Variants in PRRT4 observed in about 807,000 individuals in gnomAD.
The protein encoded by PRRT4 is proline-rich transmembrane protein 4.
A neutral mutation model predicts 55.6 loss-of-function variants in PRRT4; 59 were observed. The observed-to-expected ratio is 1.06, with a 90% CI of 0.86 to 1.32. The LOEUF is 1.32. PRRT4 is among the 40% of genes most tolerant of loss of function. The pLI, the probability that PRRT4 is intolerant of heterozygous loss-of-function variation, is 0.00. For missense variants in PRRT4, 1,217 were observed against 1,222.0 expected, an observed-to-expected ratio of 1.00 and a Z score of 0.06; for synonymous variants, 606 against 601.8, an observed-to-expected ratio of 1.01 and a Z score of -0.10.
At chr7:128,359,475 G>T in exon 2 of PRRT4, 14 of 1,462,980 alleles carry the variant, frequency 9.6e-6, no homozygotes, top group Non-Finnish European at 1.3e-5. Flanking sequence ...AGCTCGCTCT[G>T]GTGGGGCCTG....
chr7:128,354,504 C>T (rs1190696826), intron 4 of PRRT4, among the ~76,000 whole-genome samples: 2 of 151,972 alleles, frequency 1.3e-5, no homozygotes, highest in African/African-American at 4.8e-5. Context: ...GCGGAGGTTG[C>T]AGTAAGCAGA....
exon 5 of PRRT4, chr7:128,351,699 G>C: frequency 6.7e-7 from 1 of 1,498,840 alleles, no homozygotes; most frequent in African/African-American, 1.5e-5. Context: ...CCGGGTAGAG[G>C]CCCAGCAGCG....
chr7:128,351,308 G>A lies in PRRT4; in HGVS notation c.2248C>T (p.Pro750Ser), dbSNP rs1412448167. The A allele has an allele frequency of 5.2e-6, 8 of 1,544,492 alleles. No homozygotes were observed. The highest frequency in any genetic ancestry group is 6.1e-6 in the Non-Finnish European group (7 of 1,146,736). Residue 750 changes from proline (P) to serine (S), a missense_variant, in exon 5 of 5, where the codon CCT (proline) becomes TCT (serine). Coordinates refer to ENST00000535159, the Ensembl canonical transcript of PRRT4. ...CCAGGCAGAGCGTCCTCGAAGGCAGGGCCCTGGAAGAGGCCAGGCGCAAGC... is the reference window on the plus strand; with the variant it reads ...CCAGGCAGAGCGTCCTCGAAGGCAGAGCCCTGGAAGAGGCCAGGCGCAAGC...
Position 128,352,525 on chromosome 7 carries a change from AAG to A in PRRT4, c.1029_1030del (p.Phe345ProfsTer233). 2 of 1,543,690 alleles carry A rather than the reference AAG, an allele frequency of 1.3e-6. No individual in the cohort carries two copies. Among genetic ancestry groups the A allele is most frequent in the Non-Finnish European group, 1.7e-6 (2 of 1,146,858 alleles). Reference sequence around the variant, plus strand: ...CCAGTCGGCCTCCAGGGTCAGGAAAAAGAGGGGCCTCGGCGCCTCGGGAGGCT... The same window carrying A: ...CCAGTCGGCCTCCAGGGTCAGGAAAAAGGGGCCTCGGCGCCTCGGGAGGCT... On this transcript the variant is annotated frameshift_variant, in exon 5 of 5. Transcript: ENST00000535159. LOFTEE classifies it high-confidence loss of function.
intron 4 of PRRT4, among the ~76,000 whole-genome samples, chr7:128,356,024 G>A (rs1390595951): frequency 6.6e-6 from 1 of 152,156 alleles, no homozygotes; most frequent in African/African-American, 2.4e-5. Context: ...ACTTTGGGAG[G>A]CCGAGGTGGG....
Position 128,360,064 on chromosome 7 carries a change from CTG to C in PRRT4, c.-72-3_-72-2del. The C allele has an allele frequency of 8.1e-7, 1 of 1,227,002 alleles. No individual in the cohort carries two copies. The highest frequency in any genetic ancestry group is 1.0e-6 in the Non-Finnish European group (1 of 962,430). The allele number at this position is 1,227,002 out of a possible 1,614,324, so 76.0% of individuals were successfully genotyped here. On this transcript the variant is annotated splice_acceptor_variant and splice_polypyrimidine_tract_variant and intron_variant, in intron 1 of 4. Coordinates refer to ENST00000535159, the Ensembl canonical transcript of PRRT4. LOFTEE classifies it low-confidence loss of function (5UTR_SPLICE). ...TCAGCAGCTTTTGAGGAGGAAGGTC[CTG>C]GAGAGAGGAGAGGCCCTGTGAGCCC...
chr7:128,354,241 G>A (rs1443399979), intron 4 of PRRT4, among the ~76,000 whole-genome samples: 1 of 152,170 alleles, frequency 6.6e-6, no homozygotes, highest in Non-Finnish European at 1.5e-5. Flanking sequence ...CCACAGGCAG[G>A]GTCAGCTCAT....
At chr7:128,352,522 A>G (rs1397118811) in exon 5 of PRRT4, 1 of 1,543,606 alleles carries the variant, frequency 6.5e-7, no homozygotes, top group African/African-American at 1.4e-5. Context: ...CAGGGTCAGG[A>G]AAAAGAGGGG....
rs1376542455 is a variant in PRRT4, at chr7:128,359,339, C to A, written c.652+1G>T. ...TTCCTTGGGATGGGGTGGTTACTCA[C>A]CAAAGGGTCCCAGGCGCCCAGCAAT... On this transcript the variant is annotated splice_donor_variant, in intron 2 of 4. Coordinates refer to ENST00000535159, the Ensembl canonical transcript of PRRT4. LOFTEE classifies it high-confidence loss of function. The A allele has an allele frequency of 2.0e-6, 3 of 1,485,504 alleles. No homozygotes were observed. The highest frequency in any genetic ancestry group is 2.7e-6 in the Non-Finnish European group (3 of 1,119,526). The allele number at this position is 1,485,504 out of a possible 1,614,324, so 92.0% of individuals were successfully genotyped here.
At chr7:128,359,010 G>T in intron 3 of PRRT4, 139 bp downstream of exon 4, 1 of 1,191,770 alleles carries the variant, frequency 8.4e-7, no homozygotes, top group Non-Finnish European at 1.2e-6. Context: ...CTCCTTCCGT[G>T]GAAGTAGTAG....
At chr7:128,352,595 G>A in exon 5 of PRRT4, 1 of 1,543,850 alleles carries the variant, frequency 6.5e-7, no homozygotes, top group Non-Finnish European at 8.7e-7. Context: ...CAGGACCCTG[G>A]CCCACACTCT....
exon 5 of PRRT4, chr7:128,351,607 G>A: frequency 6.6e-7 from 1 of 1,507,042 alleles, no homozygotes. Context: ...CCAGCCTCCC[G>A]GCAGCAGCGG....
In PRRT4 at chr7:128,358,878, C is replaced by T. The variant is rs901127655; in HGVS notation, c.758-78G>A. Reference sequence around the variant, plus strand: ...TCTGGGAGTTTGGAGAAAATTATGTCCTTCCCCAGAGTTTGTCCTAAGGAA... The same window carrying T: ...TCTGGGAGTTTGGAGAAAATTATGTTCTTCCCCAGAGTTTGTCCTAAGGAA... On this transcript the variant is annotated intron_variant, in intron 3 of 4. Transcript: ENST00000535159. This position sits in a 1 kb window ranked among gnomAD's most constrained non-coding sequence, Gnocchi z 4.4. The T allele has an allele frequency of 6.8e-7, 1 of 1,469,514 alleles. No individual in the cohort carries two copies. The allele number at this position is 1,469,514 out of a possible 1,614,324, so 91.0% of individuals were successfully genotyped here.
chr7:128,351,647 G>A, exon 5 of PRRT4: 3 of 1,515,156 alleles, frequency 2.0e-6, no homozygotes, highest in Non-Finnish European at 2.6e-6. Context: ...AAGCGGAAGA[G>A]CTTGGCCCAG....
In PRRT4 at chr7:128,352,577, C is replaced by T. The variant is rs374134322; in HGVS notation, c.979G>A (p.Gly327Arg). The change falls in exon 5 of 5, where the codon GGA (glycine) becomes AGA (arginine). Residue 327 changes from glycine (G) to arginine (R), a missense_variant. Gly to Arg is a moderately radical substitution (Grantham distance 125). Coordinates refer to ENST00000535159, the Ensembl canonical transcript of PRRT4. Reference sequence around the variant, plus strand: ...TGCCCCTCGCGTTCAGGCAATTCTCCCACGCTGCAGGACCCTGGCCCACAC... The same window carrying T: ...TGCCCCTCGCGTTCAGGCAATTCTCTCACGCTGCAGGACCCTGGCCCACAC... 150 of 1,544,538 alleles carry T rather than the reference C, an allele frequency of 9.7e-5. No homozygotes were observed. In the African/African-American group the frequency reaches 1.4e-3, roughly 14 times the overall value.
chr7:128,350,721 G>T, downstream of PRRT4: 1 of 1,394,822 alleles, frequency 7.2e-7, no homozygotes, highest in South Asian at 1.5e-5. Flanking sequence ...ACCCACCCAG[G>T]GACCCCTGGA....
chr7:128,352,535 T>TCGGCGCCTCGGGAGG, exon 5 of PRRT4: 1 of 1,544,054 alleles, frequency 6.5e-7, no homozygotes, highest in South Asian at 1.2e-5. Flanking sequence ...AAGAGGGGCC[T>TCGGCGCCTCGGGAGG]CGGCGCCTCG....
exon 5 of PRRT4, chr7:128,351,118 C>G: frequency 6.5e-7 from 1 of 1,548,198 alleles, no homozygotes; most frequent in Non-Finnish European, 8.7e-7. Context: ...CATGGACGAG[C>G]TGTCCCGCGA....
exon 5 of PRRT4, chr7:128,351,479 C>G (rs1796967097): frequency 6.6e-7 from 1 of 1,520,274 alleles, no homozygotes; most frequent in South Asian, 1.2e-5. Flanking sequence ...CCCCGGCAAC[C>G]TCCGCCCTGG....
Sources: gnomAD v4.1 joint callset for allele counts (sites outside exome capture counted in the v4.1 genomes callset) on GRCh38, gnomAD v4.1.1 for gene constraint, Gnocchi (gnomAD v3.1) non-coding constraint, MANE v1.5 for transcripts, NCBI Gene and HGNC (gene_info 2026-07-23, HGNC 2026-07-21) for gene names.